KANK1: variants seen among roughly 807,000 people sequenced by gnomAD.
KANK1 encodes the protein KN motif and ankyrin repeat domain-containing protein 1.
A neutral mutation model predicts 106.2 loss-of-function variants in KANK1; 109 were observed. The observed-to-expected ratio is 1.03, with a 90% CI of 0.88 to 1.20. The LOEUF (loss-of-function observed/expected upper bound fraction) is 1.20. KANK1 is among the 50% of genes most tolerant of loss of function. The pLI is 0.00. For synonymous variants in KANK1, 873 were observed against 652.2 expected (o/e 1.34, Z -5.16); for missense variants, 2,399 against 1,710.7 (o/e 1.40, Z -7.10).
chr9:516,838 C>A (rs540039087), intron 1 of KANK1, among the ~76,000 whole-genome samples: 1 of 151,692 alleles, frequency 6.6e-6, no homozygotes, highest in East Asian at 1.9e-4. Flanking sequence ...CTTAGCAGCC[C>A]GCTGGGGGGT....
At chr9:687,759 C>T (rs1818898069) in intron 2 of KANK1, among the ~76,000 whole-genome samples, 3 of 152,186 alleles carry the variant, frequency 2.0e-5, no homozygotes, top group South Asian at 2.1e-4. Context: ...TTCCTCTCTT[C>T]CTCTTCTTTA....
intron 1 of KANK1, among the ~76,000 whole-genome samples, chr9:519,215 A>G (rs748833286): frequency 1.3e-5 from 2 of 151,670 alleles, no homozygotes; most frequent in Non-Finnish European, 2.9e-5. Flanking sequence ...TAGGCACCTT[A>G]TAATTGTGTC....
At chr9:651,910 C>G (rs902822990) in intron 1 of KANK1, among the ~76,000 whole-genome samples, 15 of 152,084 alleles carry the variant, frequency 9.9e-5, no homozygotes, top group Non-Finnish European at 2.1e-4. Context: ...ACTAAAGTTG[C>G]TATATTAAAA....
intron 1 of KANK1, among the ~76,000 whole-genome samples, chr9:566,274 T>C (rs1817786806): frequency 6.6e-6 from 1 of 152,226 alleles, no homozygotes; most frequent in African/African-American, 2.4e-5. Context: ...GGCGTTTAGG[T>C]TGATTCCATG....
intron 3 of KANK1, among the ~76,000 whole-genome samples, chr9:729,627 T>C (rs1035229463): frequency 3.3e-5 from 5 of 152,236 alleles, no homozygotes; most frequent in Non-Finnish European, 5.9e-5. Context: ...AATCTCTGGC[T>C]CTGCAGTGTG....
chr9:660,137 G>A (rs1299541060), intron 1 of KANK1: 1 of 357,858 alleles, frequency 2.8e-6, no homozygotes, highest in Non-Finnish European at 5.6e-6. Context: ...CCAAGGGACT[G>A]CTGATGATTA....
At chr9:695,926 TG>T (rs1821154570) in intron 2 of KANK1, among the ~76,000 whole-genome samples, 1 of 152,100 alleles carries the variant, frequency 6.6e-6, no homozygotes, top group African/African-American at 2.4e-5. Context: ...TGCCTAGATG[TG>T]GGGCTTTACA....
At chr9:648,399 T>C (rs1290698330) in intron 1 of KANK1, among the ~76,000 whole-genome samples, 5 of 152,168 alleles carry the variant, frequency 3.3e-5, no homozygotes, top group Non-Finnish European at 7.3e-5. Flanking sequence ...AACTATGCCG[T>C]ATATGTATAA....
At chr9:708,662 G>T (rs1382251917) in intron 2 of KANK1, among the ~76,000 whole-genome samples, 1 of 152,172 alleles carries the variant, frequency 6.6e-6, no homozygotes, top group Admixed American at 6.5e-5. Context: ...ACACTGTCGG[G>T]TGTAAATGTT....
chr9:713,555 A>G (rs556178700), intron 3 of KANK1, 91 bp downstream of exon 3: 1 of 1,379,016 alleles, frequency 7.3e-7, no homozygotes, highest in Non-Finnish European at 9.8e-7. Flanking sequence ...TGCTGGAACC[A>G]TTTTTGGAGG....
intron 3 of KANK1, among the ~76,000 whole-genome samples, chr9:482,665 A>T (rs965876150): frequency 5.3e-5 from 8 of 152,354 alleles, no homozygotes; most frequent in Non-Finnish European, 1.0e-4. Flanking sequence ...TGTACCATTC[A>T]TATGGATGTG....
At chr9:704,992 CAAAAAAAAAA>C (rs71314728) in intron 2 of KANK1, among the ~76,000 whole-genome samples, 1 of 53,078 alleles carries the variant, frequency 1.9e-5, no homozygotes, top group Admixed American at 2.8e-4. Context: ...GACCCTGTCT[CAAAAAAAAAA>C]AAAAAAAAAA....
At chr9:512,603 G>A (rs1204569137) in intron 1 of KANK1, among the ~76,000 whole-genome samples, 1 of 152,126 alleles carries the variant, frequency 6.6e-6, no homozygotes, top group East Asian at 1.9e-4. Context: ...CCAGTTGGAA[G>A]CTTCATGGCC....
rs142736784 is a variant in KANK1 at position 670,705 on chromosome 9, G to C, written c.-83-6185G>C. Among the ~76,000 whole-genome samples, 125 of 152,240 alleles carry C rather than the reference G, an allele frequency of 8.2e-4. 1 individual carries two copies. The highest frequency in any genetic ancestry group is 2.9e-3 in the African/African-American group (121 of 41,530). ...GATGGTAATCCTGCCTCCTTCCTTT[G>C]TGTCCGGCTGTCCACAGGGTGGTAT... On this transcript the variant is annotated intron_variant, in intron 1 of 11. Transcript: ENST00000382297.
chr9:698,173 C>G (rs1011792680), intron 2 of KANK1, among the ~76,000 whole-genome samples: 1 of 152,168 alleles, frequency 6.6e-6, no homozygotes, highest in Non-Finnish European at 1.5e-5. Flanking sequence ...GCGTGCTGCC[C>G]GCCTTTCTCT....
At chr9:704,754 G>A (rs1823565677) in intron 2 of KANK1, among the ~76,000 whole-genome samples, 1 of 152,120 alleles carries the variant, frequency 6.6e-6, no homozygotes, top group Non-Finnish European at 1.5e-5. Flanking sequence ...GCTGAGGTGG[G>A]AGGATTGCTT....
chr9:603,777 G>A (rs956686788), intron 1 of KANK1, among the ~76,000 whole-genome samples: 3 of 151,258 alleles, frequency 2.0e-5, no homozygotes, highest in African/African-American at 4.9e-5. Context: ...CCAATGTGGC[G>A]AAACCCACCC....
At chr9:472,702 G>C (rs11788982) in intron 2 of KANK1, among the ~76,000 whole-genome samples, 21,376 of 152,172 alleles carry the variant, frequency 0.14, 2,503 homozygotes, top group East Asian at 0.54. Flanking sequence ...CAATTTGCAG[G>C]GATTAGTGTA....
intron 1 of KANK1, among the ~76,000 whole-genome samples, chr9:656,877 T>C (rs1366115953): frequency 6.6e-6 from 1 of 152,144 alleles, no homozygotes; most frequent in Non-Finnish European, 1.5e-5. Flanking sequence ...TCTACTTTTT[T>C]CCTTTTTTTT....
Sources: allele counts gnomAD v4.1 joint callset (sites outside exome capture counted in the v4.1 genomes callset), GRCh38; gene constraint gnomAD v4.1.1; transcripts MANE v1.5; gene names NCBI Gene and HGNC (gene_info 2026-07-23, HGNC 2026-07-21).